Variants in FSTL1 observed in about 807,000 individuals in gnomAD.
FSTL1 encodes the protein follistatin like 1.
A neutral mutation model predicts 45.9 loss-of-function variants in FSTL1; 24 were observed. The ratio of observed to expected loss-of-function variants is 0.52; its 90% CI spans 0.38 to 0.74. FSTL1 has a LOEUF of 0.74. FSTL1 is among the 30% of genes least tolerant of loss of function. FSTL1 has a pLI of 0.00. For missense variants in FSTL1, 340 were observed against 381.8 expected (o/e 0.89, Z 0.91); for synonymous variants, 120 against 137.6 (o/e 0.87, Z 0.89).
rs568907330 is a variant in FSTL1, at chr3:120,403,406, A to C, written c.582-52T>G. ...TTAGCAAGACCTCAGCTTCGCTCAG[A>C]AGAAAGGAAGTAAGCATCAGGACCA... On this transcript the variant is annotated intron_variant, in intron 7 of 10. Transcript: ENST00000295633. 1.1e-5 allele frequency: 12 copies of C among 1,109,788 alleles called. No homozygotes were observed. In the East Asian group the frequency reaches 2.6e-4, roughly 24 times the overall value. The allele number at this position is 1,109,788 out of a possible 1,614,324, so 68.7% of individuals were successfully genotyped here.
chr3:120,442,238 G>C (rs1347050558), intron 2 of FSTL1, among the ~76,000 whole-genome samples: 2 of 152,172 alleles, frequency 1.3e-5, no homozygotes, highest in Non-Finnish European at 2.9e-5. Flanking sequence ...CATTCTACTG[G>C]TAAGGAAAGT....
chr3:120,400,082 A>C (rs1192652019), intron 9 of FSTL1, 123 bp from the exon 10 acceptor site: 7 of 702,632 alleles, frequency 1.0e-5, no homozygotes, highest in Non-Finnish European at 1.8e-5. Flanking sequence ...GAGGTGAATT[A>C]CCCACATTTT....
At chr3:120,436,078 T>A (rs1328263982) in intron 2 of FSTL1, among the ~76,000 whole-genome samples, 2 of 150,526 alleles carry the variant, frequency 1.3e-5, no homozygotes, top group Non-Finnish European at 3.0e-5. Context: ...AAAAAAAGTA[T>A]CTAAAATAGG....
At chr3:120,397,096 A>G in intron 10 of FSTL1, 100 bp from the exon 11 acceptor site, 1 of 977,530 alleles carries the variant, frequency 1.0e-6, no homozygotes, top group Non-Finnish European at 1.7e-6. Flanking sequence ...TTACAAGCTT[A>G]TGCTGAATTT....
intron 5 of FSTL1, chr3:120,410,730 C>G (rs867434763): frequency 2.9e-5 from 19 of 658,898 alleles, no homozygotes; most frequent in African/African-American, 2.9e-4. Flanking sequence ...TGGGAAAACA[C>G]AGCCAACATT....
chr3:120,411,823 G>C, intron 4 of FSTL1, 31 bp downstream of exon 4: 1 of 1,597,146 alleles, frequency 6.3e-7, no homozygotes, highest in Non-Finnish European at 8.6e-7. Flanking sequence ...CGTGGCTAAA[G>C]CTGCCTTGCA....
At chr3:120,414,043 G>A (rs368676776) in intron 3 of FSTL1, among the ~76,000 whole-genome samples, 1 of 148,600 alleles carries the variant, frequency 6.7e-6, no homozygotes, top group East Asian at 2.0e-4. Context: ...TCGGCCTCCC[G>A]AGGTGCCGGG....
chr3:120,445,213 G>A lies in FSTL1; in HGVS notation c.63+5471C>T, dbSNP rs932259897. On this transcript the variant is annotated intron_variant, in intron 2 of 10. Coordinates refer to ENST00000295633, the MANE Select transcript of FSTL1 (RefSeq NM_007085.5). The stretch of plus-strand genomic sequence containing the variant: ...GTCAATTAAGGCTGTATTTCACTGT[G>A]TTTGCTGCACATCCTTGTAGCTAAC... Among the ~76,000 whole-genome samples, 3 of 149,826 alleles carry A rather than the reference G, an allele frequency of 2.0e-5. No individual in the cohort carries two copies. The East Asian group carries it at 5.8e-4, about 29-fold the overall frequency.
At position 120,423,598 on chromosome 3, in the gene FSTL1, T is replaced by C. The variant is rs1016634766; in HGVS notation, c.64-7571A>G. 2.0e-5 allele frequency: 3 copies of C among 152,130 alleles called. No homozygotes were observed. The East Asian group carries it at 5.8e-4, about 29-fold the overall frequency. The allele number at this position is 152,130 out of a possible 1,614,324, so 9.4% of individuals were successfully genotyped here. ...AGAGTCAGACCCAGGTGGCTCCAACTCCGGTACTTGAGAGAGGTGCTTCTG... is the reference window on the plus strand; with the variant it reads ...AGAGTCAGACCCAGGTGGCTCCAACCCCGGTACTTGAGAGAGGTGCTTCTG... On this transcript the variant is annotated intron_variant, in intron 2 of 10. Coordinates refer to ENST00000295633, the MANE Select transcript of FSTL1 (RefSeq NM_007085.5).
intron 2 of FSTL1, among the ~76,000 whole-genome samples, chr3:120,418,749 C>T (rs1559739059): frequency 1.3e-5 from 2 of 151,780 alleles, no homozygotes; most frequent in African/African-American, 2.4e-5. Context: ...TCAGCTTCCT[C>T]GTGAAAACTG....
At chr3:120,433,190 T>C (rs1937507761) in intron 2 of FSTL1, among the ~76,000 whole-genome samples, 3 of 152,198 alleles carry the variant, frequency 2.0e-5, no homozygotes, top group Admixed American at 2.0e-4. Flanking sequence ...AAATTGCTGA[T>C]CATGGAAGGA....
At chr3:120,450,587 C>G in intron 2 of FSTL1, 97 bp downstream of exon 2, 1 of 751,002 alleles carries the variant, frequency 1.3e-6, no homozygotes, top group Admixed American at 3.6e-5. Context: ...CCAGCGCCAC[C>G]CCGGGAGAGC....
chr3:120,395,613 A>C lies in FSTL1; in HGVS notation c.*1339T>G, dbSNP rs920293027. The C allele has an allele frequency of 5.7e-6, 3 of 525,394 alleles. No individual in the cohort carries two copies. The African/African-American group carries it at 5.8e-5, about 10-fold the overall frequency. 32.5% of individuals were successfully genotyped at this position (525,394 alleles called of 1,614,324 possible). A position where few individuals can be genotyped will look rare whatever the true frequency, so the allele number is the denominator to read the frequency against. On this transcript the variant is annotated 3_prime_UTR_variant, in exon 11 of 11. Transcript: ENST00000295633. The stretch of plus-strand genomic sequence containing the variant: ...CTGTAGGGTCATCAGGCTGAGATCA[A>C]ATCTGGTCATCTTGTTTTTGGCCAT...
At chr3:120,445,389 G>A (rs1180105388) in intron 2 of FSTL1, among the ~76,000 whole-genome samples, 1 of 149,354 alleles carries the variant, frequency 6.7e-6, no homozygotes, top group Non-Finnish European at 1.5e-5. Flanking sequence ...AATGTTACCT[G>A]GGCTAGACAC....
chr3:120,427,573 C>T (rs1225154663), intron 2 of FSTL1, among the ~76,000 whole-genome samples: 1 of 152,160 alleles, frequency 6.6e-6, no homozygotes, highest in Non-Finnish European at 1.5e-5. Flanking sequence ...AGGAAATACC[C>T]TAAAGACCCT....
chr3:120,445,131 C>T (rs953686337), intron 2 of FSTL1, among the ~76,000 whole-genome samples: 1 of 149,652 alleles, frequency 6.7e-6, no homozygotes, highest in Admixed American at 6.6e-5. Context: ...TATCCATCCA[C>T]AAAACAGTCA....
At position 120,410,974 on chromosome 3, in the gene FSTL1, G is replaced by A. The variant is rs200525666; in HGVS notation, c.309C>T (p.Ser103=). 42 of 1,608,906 alleles carry A rather than the reference G, an allele frequency of 2.6e-5. No homozygotes were observed. The highest frequency in any genetic ancestry group is 3.3e-4 in the Middle Eastern group (2 of 6,064). The change falls in exon 5 of 11, where the codon TCC becomes TCT. Residue 103 remains serine (S), a synonymous_variant. Transcript: ENST00000295633. ...CACCTGGGCTGGCAGATGGACTTAC[G>A]GATTTCTTCTCTGCAAGACAAAAAG... ...DYDGHCKEKK[S]VSPSASPVVC...
rs1029851036 is a variant in FSTL1 at position 120,393,215 on chromosome 3, G to A, written c.*3737C>T. 1.3e-5 allele frequency: 2 copies of A among 152,144 alleles called. No homozygotes were observed. The highest frequency in any genetic ancestry group is 4.8e-5 in the African/African-American group (2 of 41,432). The allele number at this position is 152,144 out of a possible 1,614,324, so 9.4% of individuals were successfully genotyped here. The stretch of plus-strand genomic sequence containing the variant: ...AAGATTGCCTTTTAATATTTGATTA[G>A]CATTTGGGTAATATCCCAAATCCAA... On this transcript the variant is annotated 3_prime_UTR_variant, in exon 11 of 11. Transcript: ENST00000295633.
chr3:120,420,323 A>G (rs577400896), intron 2 of FSTL1, among the ~76,000 whole-genome samples: 4 of 152,356 alleles, frequency 2.6e-5, no homozygotes, highest in South Asian at 2.1e-4. Context: ...GTATGAACCT[A>G]TAAGTCTAAA....
Sources: gnomAD v4.1 joint callset for allele counts (sites outside exome capture counted in the v4.1 genomes callset) on GRCh38, gnomAD v4.1.1 for gene constraint, MANE v1.5 for transcripts, NCBI Gene and HGNC (gene_info 2026-07-23, HGNC 2026-07-21) for gene names.